Variants in FBXO11 observed in about 807,000 individuals in gnomAD.
FBXO11 encodes the protein F-box only protein 11.
In FBXO11, 13 loss-of-function variants were observed where a neutral mutation model predicts 117.0. That is an observed-to-expected ratio of 0.11 (90% CI 0.07 to 0.18). The LOEUF (loss-of-function observed/expected upper bound fraction) is 0.18. Among genes scored for constraint, FBXO11 ranks in the 10% least tolerant of loss-of-function variants. FBXO11 has a pLI of 1.00. For synonymous variants in FBXO11, 490 were observed against 380.5 expected, an observed-to-expected ratio of 1.29 and a Z score of -3.35; for missense variants, 767 against 1,164.4, an observed-to-expected ratio of 0.66 and a Z score of 4.97.
At chr2:47,827,550 G>A (rs1298702620) in intron 11 of FBXO11, among the ~76,000 whole-genome samples, 1 of 152,016 alleles carries the variant, frequency 6.6e-6, no homozygotes, top group Non-Finnish European at 1.5e-5. Flanking sequence ...CAAGTGATCT[G>A]CTCGCCTCGG....
chr2:47,862,190 G>A (rs781319485), intron 1 of FBXO11, among the ~76,000 whole-genome samples: 1 of 152,074 alleles, frequency 6.6e-6, no homozygotes, highest in African/African-American at 2.4e-5. Flanking sequence ...CAAAGTGCTG[G>A]GACTACACAG....
chr2:47,882,094 C>T (rs1676472192), intron 1 of FBXO11, among the ~76,000 whole-genome samples: 1 of 152,134 alleles, frequency 6.6e-6, no homozygotes. Context: ...GCTTACACAC[C>T]AATCATTTCC....
chr2:47,900,715 T>TAC lies in FBXO11; in HGVS notation c.232+4772_232+4773dup, dbSNP rs1413731180. ...ACGTATACACACACGTGTATATATA[T>TAC]ACACGTATACACACACGTGTATATA... is the stretch of plus-strand genomic sequence containing the variant. On this transcript the variant is annotated intron_variant, in intron 1 of 22. Transcript: ENST00000403359. Among the ~76,000 whole-genome samples the TAC allele has an allele frequency of 8.3e-3, 783 of 93,976 alleles. 60 individuals are homozygous for TAC. Among genetic ancestry groups the TAC allele is most frequent in the Middle Eastern group, 0.019 (4 of 210 alleles). The allele number at this position is 93,976 out of a possible 152,430, so 61.7% of individuals were successfully genotyped here.
chr2:47,900,637 T>TATACACAC (rs1392064312), intron 1 of FBXO11, among the ~76,000 whole-genome samples: 2 of 27,642 alleles, frequency 7.2e-5, no homozygotes, highest in Non-Finnish European at 1.6e-4. Context: ...TACACACACG[T>TATACACAC]ACGTATATAC....
At chr2:47,813,954 A>G (rs974588154) in intron 16 of FBXO11, 87 bp from the exon 17 acceptor site, 4 of 981,474 alleles carry the variant, frequency 4.1e-6, no homozygotes, top group Non-Finnish European at 6.4e-6. Context: ...GGAGAAATCC[A>G]CATAAGTCAC....
chr2:47,850,361 T>A (rs1334671541), intron 1 of FBXO11, among the ~76,000 whole-genome samples: 1 of 152,170 alleles, frequency 6.6e-6, no homozygotes, highest in Non-Finnish European at 1.5e-5. Context: ...AATATGTAGA[T>A]CTCAAGCATT....
chr2:47,851,919 T>C (rs1673892572), intron 1 of FBXO11, among the ~76,000 whole-genome samples: 1 of 152,116 alleles, frequency 6.6e-6, no homozygotes, highest in Non-Finnish European at 1.5e-5. Flanking sequence ...TAATACAGAA[T>C]GCTTTACAAA....
At position 47,810,309 on chromosome 2, in the gene FBXO11, T is replaced by G; in HGVS notation, c.2338+7A>C. ...ATAAGCCACAGGTAAGAAAAGAAAA[T>G]ACAAACCTGCGGCAAATCCATCAAA... On this transcript the variant is annotated splice_region_variant and intron_variant, in intron 19 of 22. Transcript: ENST00000403359. 1 of 1,580,676 alleles carries G rather than the reference T, an allele frequency of 6.3e-7. No homozygotes were observed. Among genetic ancestry groups the G allele is most frequent in the Non-Finnish European group, 8.6e-7 (1 of 1,158,252 alleles).
At chr2:47,839,872 G>A (rs181278263) in intron 1 of FBXO11, 103 bp from the exon 2 acceptor site, 11 of 995,442 alleles carry the variant, frequency 1.1e-5, no homozygotes, top group East Asian at 5.4e-5. Context: ...GGGAGCAGAT[G>A]TAAGTTTTAT....
In FBXO11 at chr2:47,808,227, G is replaced by A. The variant is rs1670358755; in HGVS notation, c.2675C>T (p.Ala892Val). 1 of 1,613,274 alleles carries A rather than the reference G, an allele frequency of 6.2e-7. No homozygotes were observed. The highest frequency in any genetic ancestry group is 8.5e-7 in the Non-Finnish European group (1 of 1,179,848). ...RHDRFFCDCG[A>V]GTLSNPCTLA... Reference sequence around the variant, plus strand: ...TGTACAAGGATTAGACAGTGTTCCAGCACCACAGTCACAGAAAAACCTAAA... The same window carrying A: ...TGTACAAGGATTAGACAGTGTTCCAACACCACAGTCACAGAAAAACCTAAA... The change falls in exon 23 of 23, where the codon GCT becomes GTT. Residue 892 changes from alanine (A) to valine (V), a missense_variant. Transcript: ENST00000403359.
chr2:47,895,149 A>G lies in FBXO11; in HGVS notation c.232+10340T>C, dbSNP rs1426550136. 3.3e-5 allele frequency among the ~76,000 whole-genome samples: 5 copies of G among 152,342 alleles called. No individual in the cohort carries two copies. The South Asian group carries it at 1.0e-3, about 32-fold the overall frequency. On this transcript the variant is annotated intron_variant, in intron 1 of 22. Coordinates refer to ENST00000403359, the MANE Select transcript of FBXO11 (RefSeq NM_001190274.2). ...ATAAAACTCACACGGAATGTGGCAA[A>G]TGTGTAAGAATGCTCACATATGCAA...
At position 47,820,469 on chromosome 2, in the gene FBXO11, A is replaced by G. The variant is rs1222960322; in HGVS notation, c.1703-13T>C. 6.3e-7 allele frequency: 1 copy of G among 1,597,268 alleles called. No individual in the cohort carries two copies. The highest frequency in any genetic ancestry group is 8.6e-7 in the Non-Finnish European group (1 of 1,165,706). On this transcript the variant is annotated splice_polypyrimidine_tract_variant and intron_variant, in intron 13 of 22. Transcript: ENST00000403359. ...GCTAATGCATTGCCTATTTAAAAATAAAAGTTACAAGGTCAACATTTGTGA... is the reference window on the plus strand; with the variant it reads ...GCTAATGCATTGCCTATTTAAAAATGAAAGTTACAAGGTCAACATTTGTGA...
rs116043525 is a variant in FBXO11, at chr2:47,868,715, C to A, written c.233-28946G>T. ...GCTTAGCAACAGGGACTTCTACTTG[C>A]CAAGGTTGATTTGGCTATGGCTGCT... On this transcript the variant is annotated intron_variant, in intron 1 of 22. Transcript: ENST00000403359. 2.4e-3 allele frequency among the ~76,000 whole-genome samples: 360 copies of A among 152,232 alleles called. 2 individuals are homozygous for A. Among genetic ancestry groups the A allele is most frequent in the African/African-American group, 8.2e-3 (341 of 41,546 alleles).
intron 1 of FBXO11, among the ~76,000 whole-genome samples, chr2:47,860,066 T>G (rs1423150908): frequency 6.6e-6 from 1 of 152,206 alleles, no homozygotes. Context: ...CATGTCTGTT[T>G]TTAAAGTAAG....
intron 11 of FBXO11, among the ~76,000 whole-genome samples, chr2:47,823,918 C>G (rs750140078): frequency 2.6e-5 from 4 of 151,764 alleles, no homozygotes; most frequent in Non-Finnish European, 5.9e-5. Context: ...ACAATCATAG[C>G]TCACGCAGCC....
chr2:47,832,429 T>G lies in FBXO11; in HGVS notation c.1318A>C (p.Asn440His). ...NNALAGIWVK[N>H]HGNPIIRRNH... ...CGTCTAATAATTGGGTTTCCATGAT[T>G]TTTAACCCAAATCCCAGCTAACGCA... Residue 440 changes from asparagine to histidine, a missense_variant, in exon 11 of 23, where the codon AAT (asparagine) becomes CAT (histidine). Physicochemically the swap from Asn to His is moderately conservative, Grantham distance 68. Transcript: ENST00000403359. The G allele has an allele frequency of 3.1e-6, 5 of 1,613,862 alleles. No individual in the cohort carries two copies. The highest frequency in any genetic ancestry group is 4.2e-6 in the Non-Finnish European group (5 of 1,179,874).
chr2:47,847,795 C>T (rs151126887), intron 1 of FBXO11, among the ~76,000 whole-genome samples: 138 of 152,020 alleles, frequency 9.1e-4, no homozygotes, highest in Non-Finnish European at 1.5e-3. Flanking sequence ...TTATGTGGTG[C>T]GTGACTGTGT....
intron 1 of FBXO11, among the ~76,000 whole-genome samples, chr2:47,865,211 C>T (rs936649440): frequency 7.2e-5 from 11 of 152,160 alleles, no homozygotes; most frequent in African/African-American, 2.7e-4. Context: ...AATCTATTTA[C>T]CCCTTCGGTG....
At chr2:47,820,548 C>A (rs1671307404) in intron 13 of FBXO11, 92 bp from the exon 14 acceptor site, 1 of 931,050 alleles carries the variant, frequency 1.1e-6, no homozygotes, top group South Asian at 1.6e-5. Context: ...AATTCTTACA[C>A]TAGAATTTTA....
Sources: gnomAD v4.1 joint callset for allele counts (sites outside exome capture counted in the v4.1 genomes callset) on GRCh38, gnomAD v4.1.1 for gene constraint, MANE v1.5 for transcripts, NCBI Gene and HGNC (gene_info 2026-07-23, HGNC 2026-07-21) for gene names.